The following ESRRB variants were observed in gnomAD, a reference collection of about 807,000 sequenced individuals.
The protein encoded by ESRRB is steroid hormone receptor ERR2.
A neutral mutation model predicts 46.0 loss-of-function variants in ESRRB; 16 were observed. The observed-to-expected ratio is 0.35, with a 90% CI of 0.24 to 0.53. The LOEUF is 0.53. Among genes scored for constraint, ESRRB ranks in the 20% least tolerant of loss-of-function variants. The pLI, the probability that ESRRB is intolerant of heterozygous loss-of-function variation, is 0.93. For synonymous variants in ESRRB, 246 were observed against 259.6 expected (o/e 0.95, Z 0.50); for missense variants, 488 against 607.4 (o/e 0.80, Z 2.07).
rs561898152 is a variant in ESRRB, at chr14:76,477,041, G to A, written c.578-4975G>A. Among the ~76,000 whole-genome samples, 4 of 152,008 alleles carry A rather than the reference G, an allele frequency of 2.6e-5. No individual in the cohort carries two copies. In the East Asian group the frequency reaches 5.8e-4, roughly 22 times the overall value. On this transcript the variant is annotated intron_variant, in intron 3 of 6. Coordinates refer to ENST00000644823, the MANE Select transcript of ESRRB (RefSeq NM_001379180.1). ...TGGGAGGCGGAGGTTGCAGTGAGCC[G>A]AGATCACACCACTGCAGTCCGGCCT...
chr14:76,379,437 T>C (rs1039162750), intron 1 of ESRRB, among the ~76,000 whole-genome samples: 3 of 152,052 alleles, frequency 2.0e-5, no homozygotes, highest in African/African-American at 7.2e-5. Flanking sequence ...GGTTCACACG[T>C]AGGAAAAATG....
Position 76,376,850 on chromosome 14 carries a change from C to G in ESRRB, c.50+399C>G, listed in dbSNP as rs1264272068. ...GGATGTCCTGTCCCGTCAGAGAAAG[C>G]CTTTCCCGCGGGCGCTTTGTTTTAT... On this transcript the variant is annotated intron_variant, in intron 1 of 6. Transcript: ENST00000644823. This position sits in a 1 kb window ranked among gnomAD's most constrained non-coding sequence, Gnocchi z 4.1. Among the ~76,000 whole-genome samples the G allele has an allele frequency of 2.0e-5, 3 of 152,206 alleles. No homozygotes were observed. Among genetic ancestry groups the G allele is most frequent in the Admixed American group, 2.0e-4 (3 of 15,288 alleles).
At position 76,376,485 on chromosome 14, in the gene ESRRB, C is replaced by T. The variant is rs1207288551; in HGVS notation, c.50+34C>T. The T allele has an allele frequency of 8.2e-7, 1 of 1,226,182 alleles. No individual in the cohort carries two copies. Among genetic ancestry groups the T allele is most frequent in the African/African-American group, 1.6e-5 (1 of 64,428 alleles). The allele number at this position is 1,226,182 out of a possible 1,614,324, so 76.0% of individuals were successfully genotyped here. A position where few individuals can be genotyped will look rare whatever the true frequency, so the allele number is the denominator to read the frequency against. ...CCTGCTTCTCGGTCTGTCTGTCCTT[C>T]TGCCCGTCTGGCAGTCTCTGTCCTG... On this transcript the variant is annotated intron_variant, in intron 1 of 6. Transcript: ENST00000644823. The surrounding 1 kb of genome is among the most constrained non-coding windows in gnomAD (Gnocchi z 4.1).
rs550633108 is a variant in ESRRB, at chr14:76,377,053, C to G, written c.50+602C>G. ...GGGCGCCCGGGGGATGCGGGCCCAGCGCTGCGTCGTAGGCAAAGTTCGTTC... is the reference window on the plus strand; with the variant it reads ...GGGCGCCCGGGGGATGCGGGCCCAGGGCTGCGTCGTAGGCAAAGTTCGTTC... On this transcript the variant is annotated intron_variant, in intron 1 of 6. Transcript: ENST00000644823. Among the ~76,000 whole-genome samples, 102 of 152,328 alleles carry G rather than the reference C, an allele frequency of 6.7e-4. 1 individual carries two copies. Among genetic ancestry groups the G allele is most frequent in the Admixed American group, 1.6e-3 (24 of 15,308 alleles).
At chr14:76,412,000 C>T (rs1595091285) in intron 1 of ESRRB, among the ~76,000 whole-genome samples, 1 of 152,086 alleles carries the variant, frequency 6.6e-6, no homozygotes, top group Admixed American at 6.5e-5. Context: ...ATTTTATTCC[C>T]GTCTCTTTAC....
rs555404366 is a variant in ESRRB at position 76,336,085 on chromosome 14, C to G, written c.2+25169C>G. Among the ~76,000 whole-genome samples, 45 of 152,326 alleles carry G rather than the reference C, an allele frequency of 3.0e-4. 1 individual carries two copies. The highest frequency in any genetic ancestry group is 2.8e-3 in the Admixed American group (43 of 15,300). ...CTGTGCTGTAAACACGCCGTGTCAT[C>G]CTGTGGCTTCCTCTTACCATGTGGA... On this transcript the variant is annotated intron_variant, in intron 1 of 6. Transcript: ENST00000512784.
intron 2 of ESRRB, among the ~76,000 whole-genome samples, chr14:76,446,589 A>G (rs1404847791): frequency 6.6e-6 from 1 of 152,198 alleles, no homozygotes; most frequent in East Asian, 1.9e-4. Context: ...GCATAGAAAA[A>G]ACAGACATAC....
intron 2 of ESRRB, among the ~76,000 whole-genome samples, chr14:76,456,298 T>G (rs1230902178): frequency 6.6e-6 from 1 of 152,168 alleles, no homozygotes; most frequent in Admixed American, 6.5e-5. Flanking sequence ...TCCTGCCAGT[T>G]ATTGGATTTT....
In ESRRB at chr14:76,343,867, A is replaced by G. The variant is rs573553509; in HGVS notation, c.2+32951A>G. Among the ~76,000 whole-genome samples, 132 of 152,384 alleles carry G rather than the reference A, an allele frequency of 8.7e-4. 1 individual carries two copies. Among genetic ancestry groups the G allele is most frequent in the South Asian group, 3.7e-3 (18 of 4,830 alleles). On this transcript the variant is annotated intron_variant, in intron 1 of 6. Transcript: ENST00000512784. ...GAGGAGTAAAGAATTTTCAGCCATG[A>G]ACTACAGAAATTTAGAGAGGTAGGC...
At chr14:76,400,618 G>A (rs1193409409) in intron 1 of ESRRB, among the ~76,000 whole-genome samples, 1 of 152,198 alleles carries the variant, frequency 6.6e-6, no homozygotes, top group Non-Finnish European at 1.5e-5. Context: ...TTGGGTGGTG[G>A]TGAACGGGAG....
intron 1 of ESRRB, among the ~76,000 whole-genome samples, chr14:76,358,986 G>T (rs1040155818): frequency 6.6e-6 from 1 of 152,220 alleles, no homozygotes; most frequent in African/African-American, 2.4e-5. Flanking sequence ...ACTTTCCCAG[G>T]TGATACTGGC....
At chr14:76,327,057 T>G (rs12886462) in intron 1 of ESRRB, among the ~76,000 whole-genome samples, 64,260 of 152,184 alleles carry the variant, frequency 0.42, 14,610 homozygotes, top group South Asian at 0.55. Context: ...GGGGCTTGTG[T>G]TTGTGTCTCT....
At chr14:76,384,138 CAGAGCGCAG>C (rs1885124757) in intron 1 of ESRRB, among the ~76,000 whole-genome samples, 1 of 152,098 alleles carries the variant, frequency 6.6e-6, no homozygotes, top group East Asian at 1.9e-4. Context: ...CTTCAGCATG[CAGAGCGCAG>C]TATTTATCCT....
At chr14:76,439,783 G>T in intron 2 of ESRRB, 33 bp downstream of exon 2, 1 of 1,606,516 alleles carries the variant, frequency 6.2e-7, no homozygotes. Flanking sequence ...CCTGGGCGCA[G>T]GGTTGGGGGT....
At chr14:76,469,740 T>C (rs895970686) in intron 3 of ESRRB, among the ~76,000 whole-genome samples, 7 of 152,094 alleles carry the variant, frequency 4.6e-5, no homozygotes. Flanking sequence ...ATCTAGATAT[T>C]GCTACCTGAT....
At chr14:76,468,599 A>G (rs1290366406) in intron 3 of ESRRB, among the ~76,000 whole-genome samples, 2 of 152,082 alleles carry the variant, frequency 1.3e-5, no homozygotes. Flanking sequence ...GGATAACGGT[A>G]CGGTGGTCAC....
At chr14:76,377,226 G>A (rs940207615) in intron 1 of ESRRB, among the ~76,000 whole-genome samples, 1 of 152,242 alleles carries the variant, frequency 6.6e-6, no homozygotes, top group African/African-American at 2.4e-5. Flanking sequence ...GCGACTCTCA[G>A]AAACCGCGGG....
At chr14:76,338,921 C>T (rs978957251) in intron 1 of ESRRB, among the ~76,000 whole-genome samples, 1 of 152,124 alleles carries the variant, frequency 6.6e-6, no homozygotes, top group African/African-American at 2.4e-5. Context: ...CTAGCCTGGG[C>T]AACAAAGCTA....
At chr14:76,379,509 G>T (rs535216580) in intron 1 of ESRRB, among the ~76,000 whole-genome samples, 3 of 152,286 alleles carry the variant, frequency 2.0e-5, no homozygotes, top group Admixed American at 2.0e-4. Flanking sequence ...AATTTTTAAT[G>T]GTACATTTAA....
Sources: allele counts gnomAD v4.1 joint callset (sites outside exome capture counted in the v4.1 genomes callset), GRCh38; gene constraint gnomAD v4.1.1; non-coding constraint Gnocchi (gnomAD v3.1); transcripts MANE v1.5; gene names NCBI Gene and HGNC (gene_info 2026-07-23, HGNC 2026-07-21).